Variants in NMBR observed in about 807,000 individuals in gnomAD.
NMBR encodes the protein neuromedin B receptor.
Under a neutral mutation model 20.5 loss-of-function variants are expected in NMBR, and 16 were observed. The observed-to-expected ratio is 0.78, with a 90% CI of 0.53 to 1.19. The LOEUF (loss-of-function observed/expected upper bound fraction) is 1.19, where lower values mean the gene tolerates loss of function less well. Among genes scored for constraint, NMBR ranks in the 50% most tolerant of loss-of-function variants. The pLI is 0.00. For missense variants in NMBR, 582 were observed against 499.1 expected, an observed-to-expected ratio of 1.17 and a Z score of -1.58; for synonymous variants, 212 against 196.6, an observed-to-expected ratio of 1.08 and a Z score of -0.65.
At chr6:142,103,825 T>A (rs1777608058) in intron 1 of NMBR, among the ~76,000 whole-genome samples, 1 of 152,186 alleles carries the variant, frequency 6.6e-6, no homozygotes, top group Non-Finnish European at 1.5e-5. Context: ...CCTGCTTGGG[T>A]TAGCAGTTTT....
chr6:142,077,154 A>G (rs1776967054), intron 3 of NMBR, among the ~76,000 whole-genome samples: 1 of 152,170 alleles, frequency 6.6e-6, no homozygotes, highest in South Asian at 2.1e-4. Context: ...TGAGTGCAAG[A>G]ATGTCACAGC....
intron 1 of NMBR, among the ~76,000 whole-genome samples, chr6:142,138,402 T>G (rs1406567153): frequency 6.6e-6 from 1 of 152,118 alleles, no homozygotes; most frequent in Non-Finnish European, 1.5e-5. Flanking sequence ...GTCTGCTATT[T>G]AACAAGTACT....
chr6:142,076,750 C>T (rs904800168), intron 3 of NMBR, among the ~76,000 whole-genome samples: 4 of 152,114 alleles, frequency 2.6e-5, no homozygotes, highest in Non-Finnish European at 4.4e-5. Context: ...AAACAATTTC[C>T]TAACATCAGT....
Position 142,074,540 on chromosome 6 carries a change from T to C in NMBR, c.*1108A>G, listed in dbSNP as rs1776890512. ...CTTTTAAAAATGGTAGCTTTTAAAC[T>C]GTAATCAATACATTTGCATTTTCCT... On this transcript the variant is annotated 3_prime_UTR_variant, in exon 4 of 4. Transcript: ENST00000258042. Among the ~76,000 whole-genome samples, 1 of 152,186 alleles carries C rather than the reference T, an allele frequency of 6.6e-6. No homozygotes were observed. Among genetic ancestry groups the C allele is most frequent in the South Asian group, 2.1e-4 (1 of 4,826 alleles).
At chr6:142,096,115 A>T (rs2114575648) in intron 1 of NMBR, among the ~76,000 whole-genome samples, 1 of 152,172 alleles carries the variant, frequency 6.6e-6, no homozygotes, top group East Asian at 1.9e-4. Flanking sequence ...TCCTGGATTC[A>T]TTGATTTTTT....
At chr6:142,129,832 C>A (rs955902587) in intron 1 of NMBR, among the ~76,000 whole-genome samples, 1 of 152,126 alleles carries the variant, frequency 6.6e-6, no homozygotes, top group Non-Finnish European at 1.5e-5. Flanking sequence ...CCACATACAA[C>A]AATCACTTGA....
chr6:142,143,597 A>C lies in NMBR; in HGVS notation c.-664+3447T>G, dbSNP rs915472308. On this transcript the variant is annotated intron_variant, in intron 1 of 3. Transcript: ENST00000258042. The stretch of plus-strand genomic sequence containing the variant: ...CTGCACCATTTTAAGTGGAAAAATA[A>C]ACCATGTCGAGTAAGGCTTGGCAGT... 1.8e-4 allele frequency among the ~76,000 whole-genome samples: 28 copies of C among 152,362 alleles called. 1 individual carries two copies. The East Asian group carries it at 5.0e-3, about 27-fold the overall frequency.
intron 1 of NMBR, among the ~76,000 whole-genome samples, chr6:142,145,671 C>T (rs183159330): frequency 1.1e-4 from 16 of 152,278 alleles, no homozygotes; most frequent in African/African-American, 3.6e-4. Context: ...GCCTTAATCT[C>T]AATAGCAGGA....
intron 1 of NMBR, among the ~76,000 whole-genome samples, chr6:142,123,453 A>G (rs1331239067): frequency 6.6e-6 from 1 of 152,016 alleles, no homozygotes. Flanking sequence ...AAGCAGCAGC[A>G]GGGCTTGAGA....
At chr6:142,135,397 AAATT>A (rs1360393842) in intron 1 of NMBR, among the ~76,000 whole-genome samples, 6 of 152,170 alleles carry the variant, frequency 3.9e-5, no homozygotes, top group African/African-American at 1.4e-4. Flanking sequence ...CAAAAGTTGG[AAATT>A]AATTATTAAA....
intron 1 of NMBR, among the ~76,000 whole-genome samples, chr6:142,132,809 G>A (rs1778168541): frequency 6.6e-6 from 1 of 152,140 alleles, no homozygotes; most frequent in African/African-American, 2.4e-5. Context: ...AATTGCAGAA[G>A]CGTTGAGTGC....
chr6:142,112,346 T>A (rs976028204), intron 1 of NMBR, among the ~76,000 whole-genome samples: 6 of 152,206 alleles, frequency 3.9e-5, no homozygotes, highest in African/African-American at 1.4e-4. Context: ...TATTGCAGCA[T>A]ATGTCAGGAA....
intron 1 of NMBR, among the ~76,000 whole-genome samples, chr6:142,105,051 TAC>T (rs1234670609): frequency 1.3e-5 from 2 of 149,038 alleles, no homozygotes; most frequent in Non-Finnish European, 3.0e-5. Flanking sequence ...GGGAGGATAT[TAC>T]AAAGTACCTT....
chr6:142,081,511 G>A (rs1041660421), intron 2 of NMBR, among the ~76,000 whole-genome samples: 9 of 152,054 alleles, frequency 5.9e-5, no homozygotes, highest in Admixed American at 5.2e-4. Context: ...GATATTCTCT[G>A]AATGATACAC....
chr6:142,107,473 A>G (rs1777682343), intron 1 of NMBR, among the ~76,000 whole-genome samples: 1 of 152,132 alleles, frequency 6.6e-6, no homozygotes, highest in African/African-American at 2.4e-5. Flanking sequence ...TATTGCTAAA[A>G]CCACTTCATC....
At chr6:142,116,259 C>T (rs1777853255) in intron 1 of NMBR, among the ~76,000 whole-genome samples, 1 of 151,832 alleles carries the variant, frequency 6.6e-6, no homozygotes, top group African/African-American at 2.4e-5. Context: ...TCTTCACCCT[C>T]TTAGTCTCCC....
intron 1 of NMBR, among the ~76,000 whole-genome samples, chr6:142,139,127 G>A (rs1180109826): frequency 6.6e-6 from 1 of 152,132 alleles, no homozygotes; most frequent in South Asian, 2.1e-4. Flanking sequence ...GGTTCTCTCC[G>A]TGTCCAAGGA....
chr6:142,092,756 G>T (rs758164394), intron 1 of NMBR, among the ~76,000 whole-genome samples: 1 of 152,124 alleles, frequency 6.6e-6, no homozygotes, highest in Non-Finnish European at 1.5e-5. Context: ...TCTTACTTGA[G>T]AAGATGGAAT....
chr6:142,114,005 G>A (rs1443058653), intron 1 of NMBR, among the ~76,000 whole-genome samples: 1 of 152,068 alleles, frequency 6.6e-6, no homozygotes, highest in African/African-American at 2.4e-5. Context: ...GCATCTTTAT[G>A]TCCATCCCCC....
Sources: allele counts gnomAD v4.1 joint callset (sites outside exome capture counted in the v4.1 genomes callset), GRCh38; gene constraint gnomAD v4.1.1; transcripts MANE v1.5; gene names NCBI Gene and HGNC (gene_info 2026-07-23, HGNC 2026-07-21).